The following GPC6 variants were observed in gnomAD, a reference collection of about 807,000 sequenced individuals.
GPC6 encodes glypican-6.
A neutral mutation model predicts 55.2 loss-of-function variants in GPC6; 14 were observed. The observed-to-expected ratio is 0.25, with a 90% CI of 0.17 to 0.40. The LOEUF is 0.40. Among genes scored for constraint, GPC6 ranks in the 10% least tolerant of loss-of-function variants. The pLI, the probability that GPC6 is intolerant of heterozygous loss-of-function variation, is 1.00. For missense variants in GPC6, 641 were observed against 708.5 expected, an observed-to-expected ratio of 0.90 and a Z score of 1.08; for synonymous variants, 278 against 259.6, an observed-to-expected ratio of 1.07 and a Z score of -0.68.
At position 93,489,656 on chromosome 13, in the gene GPC6, G is replaced by T. The variant is rs908487063; in HGVS notation, c.161-55607G>T. ...TCCTCTTTTATTTTGTTGAGCAGTG[G>T]TTTGTAGTTCTCCTTGAAGAGGTCC... is the stretch of plus-strand genomic sequence containing the variant. On this transcript the variant is annotated intron_variant, in intron 1 of 8. Transcript: ENST00000377047. 2.6e-5 allele frequency among the ~76,000 whole-genome samples: 4 copies of T among 151,700 alleles called. No homozygotes were observed. In the South Asian group the frequency reaches 8.3e-4, roughly 32 times the overall value.
chr13:94,146,999 C>G (rs1182228373), intron 4 of GPC6, among the ~76,000 whole-genome samples: 5 of 152,014 alleles, frequency 3.3e-5, no homozygotes, highest in Non-Finnish European at 7.4e-5. Flanking sequence ...CATTTCACTC[C>G]CACTAAAGGC....
chr13:93,429,533 C>T (rs1049744238), intron 1 of GPC6, among the ~76,000 whole-genome samples: 3 of 152,074 alleles, frequency 2.0e-5, no homozygotes, highest in African/African-American at 7.2e-5. Flanking sequence ...CTTCTCATGT[C>T]TAGACACACT....
chr13:93,968,005 C>T (rs1010422791), intron 3 of GPC6, among the ~76,000 whole-genome samples: 11 of 152,184 alleles, frequency 7.2e-5, no homozygotes, highest in Middle Eastern at 3.4e-3. Flanking sequence ...TCTAGAAATG[C>T]TTATGAACAT....
At position 93,640,552 on chromosome 13, in the gene GPC6, G is replaced by A. The variant is rs555470057; in HGVS notation, c.319+95131G>A. 1.6e-4 allele frequency among the ~76,000 whole-genome samples: 25 copies of A among 152,144 alleles called. 1 individual carries two copies. In the South Asian group the frequency reaches 4.8e-3, roughly 29 times the overall value. On this transcript the variant is annotated intron_variant, in intron 2 of 8. Transcript: ENST00000377047. Reference sequence around the variant, plus strand: ...TTCCCATCATGGAAGAATGAAAACTGATGATATAAAACAGCTTGTAGGAAC... The same window carrying A: ...TTCCCATCATGGAAGAATGAAAACTAATGATATAAAACAGCTTGTAGGAAC...
chr13:93,314,762 CAT>C (rs1444676549), intron 1 of GPC6, among the ~76,000 whole-genome samples: 1 of 121,162 alleles, frequency 8.3e-6, no homozygotes, highest in Non-Finnish European at 1.7e-5. Context: ...TGTGTGCACG[CAT>C]GTGCTGAGAA....
chr13:93,487,060 A>C (rs1387888118), intron 1 of GPC6, among the ~76,000 whole-genome samples: 2 of 152,144 alleles, frequency 1.3e-5, no homozygotes, highest in East Asian at 3.9e-4. Flanking sequence ...CACTTACAGC[A>C]GGGCTGATAC....
intron 1 of GPC6, among the ~76,000 whole-genome samples, chr13:93,443,188 A>G (rs1229359101): frequency 6.6e-6 from 1 of 152,206 alleles, no homozygotes; most frequent in African/African-American, 2.4e-5. Flanking sequence ...GTAAAATATC[A>G]ATTTTAATAA....
At chr13:94,321,716 G>T (rs1876836760) in intron 6 of GPC6, among the ~76,000 whole-genome samples, 1 of 152,098 alleles carries the variant, frequency 6.6e-6, no homozygotes, top group Non-Finnish European at 1.5e-5. Flanking sequence ...GGTTAATATT[G>T]TTCCAGGTTC....
At chr13:93,620,491 C>T (rs1301909672) in intron 2 of GPC6, among the ~76,000 whole-genome samples, 4 of 152,298 alleles carry the variant, frequency 2.6e-5, no homozygotes, top group Non-Finnish European at 2.9e-5. Context: ...TATAGAATGC[C>T]TCTAAGCCAC....
chr13:93,360,778 A>G (rs1230695210), intron 1 of GPC6, among the ~76,000 whole-genome samples: 1 of 152,156 alleles, frequency 6.6e-6, no homozygotes, highest in East Asian at 1.9e-4. Context: ...TGTTAGAAAT[A>G]TATTCAATAG....
intron 4 of GPC6, among the ~76,000 whole-genome samples, chr13:94,137,211 A>G (rs1413147524): frequency 6.6e-6 from 1 of 152,212 alleles, no homozygotes; most frequent in Non-Finnish European, 1.5e-5. Flanking sequence ...AATTGAATAC[A>G]TGATTCCAGG....
intron 2 of GPC6, among the ~76,000 whole-genome samples, chr13:93,656,434 C>T (rs993291485): frequency 2.0e-5 from 3 of 152,060 alleles, no homozygotes; most frequent in Non-Finnish European, 4.4e-5. Flanking sequence ...TCTCCTATAC[C>T]TGGACCATTG....
intron 1 of GPC6, among the ~76,000 whole-genome samples, chr13:93,346,557 C>T (rs984886796): frequency 6.6e-6 from 1 of 152,112 alleles, no homozygotes; most frequent in African/African-American, 2.4e-5. Context: ...ATATTTTTGC[C>T]TTTTATGTCC....
chr13:94,091,798 T>C (rs1017542144), intron 4 of GPC6, among the ~76,000 whole-genome samples: 6 of 151,890 alleles, frequency 4.0e-5, no homozygotes, highest in African/African-American at 1.5e-4. Context: ...ATAGAGTCAC[T>C]AAAATGAAAA....
chr13:93,559,369 A>C (rs148213559), intron 2 of GPC6, among the ~76,000 whole-genome samples: 2,155 of 152,264 alleles, frequency 0.014, 43 homozygotes, highest in African/African-American at 0.048. Flanking sequence ...GTTTTCCCCC[A>C]CAGTATTATA....
chr13:93,867,902 G>A (rs1239933820), intron 3 of GPC6, among the ~76,000 whole-genome samples: 1 of 151,762 alleles, frequency 6.6e-6, no homozygotes, highest in Non-Finnish European at 1.5e-5. Flanking sequence ...CAGGTCCAAA[G>A]CCTGTATGGA....
chr13:93,934,090 A>G (rs1254037997), intron 3 of GPC6, among the ~76,000 whole-genome samples: 2 of 152,160 alleles, frequency 1.3e-5, no homozygotes, highest in African/African-American at 2.4e-5. Context: ...TCAAGTCACT[A>G]GTTTCGCCAT....
At chr13:93,669,226 G>A (rs1483724587) in intron 2 of GPC6, among the ~76,000 whole-genome samples, 1 of 152,102 alleles carries the variant, frequency 6.6e-6, no homozygotes, top group South Asian at 2.1e-4. Context: ...GGAAAGAAAA[G>A]GCATTGTATT....
At chr13:94,124,874 A>G (rs534359861) in intron 4 of GPC6, among the ~76,000 whole-genome samples, 2 of 152,168 alleles carry the variant, frequency 1.3e-5, no homozygotes, top group Admixed American at 1.3e-4. Context: ...CCCAAATGGA[A>G]TGGCAAGAAG....
Sources: gnomAD v4.1 joint callset for allele counts (sites outside exome capture counted in the v4.1 genomes callset) on GRCh38, gnomAD v4.1.1 for gene constraint, MANE v1.5 for transcripts, NCBI Gene and HGNC (gene_info 2026-07-23, HGNC 2026-07-21) for gene names.